RELN: variants seen among roughly 807,000 people sequenced by gnomAD.
The protein encoded by RELN is reelin.
Under a neutral mutation model 427.6 loss-of-function variants are expected in RELN, and 108 were observed. The ratio of observed to expected loss-of-function variants is 0.25; its 90% CI spans 0.22 to 0.30. RELN has a LOEUF of 0.30. Ranked by LOEUF, RELN falls within the 10% of genes least tolerant of loss-of-function variation. The pLI, the probability that RELN is intolerant of heterozygous loss-of-function variation, is 1.00. For missense variants in RELN, 3,715 were observed against 4,302.8 expected (o/e 0.86, Z 3.82); for synonymous variants, 1,524 against 1,513.4 (o/e 1.01, Z -0.16).
intron 24 of RELN, among the ~76,000 whole-genome samples, chr7:103,601,817 T>G (rs1349938587): frequency 6.6e-6 from 1 of 152,134 alleles, no homozygotes; most frequent in African/African-American, 2.4e-5. Flanking sequence ...GTTGAGGTAT[T>G]CCAAGAGCAT....
intron 50 of RELN, chr7:103,512,726 A>G (rs1829458073): frequency 6.6e-6 from 1 of 152,230 alleles, no homozygotes; most frequent in Admixed American, 6.5e-5. Context: ...ACATATCCAT[A>G]ATATATGTTG....
chr7:103,930,868 ATGTGTG>A lies in RELN; in HGVS notation c.227-13689_227-13684del, dbSNP rs60265174. Among the ~76,000 whole-genome samples, 1,299 of 141,956 alleles carry A rather than the reference ATGTGTG, an allele frequency of 9.2e-3. 33 individuals carry two copies. In the South Asian group the frequency reaches 0.096, roughly 10 times the overall value. The allele number at this position is 141,956 out of a possible 152,430, so 93.1% of individuals were successfully genotyped here. Reference sequence around the variant, plus strand: ...AGTTATGCTTCTTGGGTGTGAGCATATGTGTGTGTGTGTGTGTGTGTGTGTGTGTGT... The same window carrying A: ...AGTTATGCTTCTTGGGTGTGAGCATATGTGTGTGTGTGTGTGTGTGTGTGT... On this transcript the variant is annotated intron_variant, in intron 1 of 64. Coordinates refer to ENST00000428762, the MANE Select transcript of RELN (RefSeq NM_005045.4).
chr7:103,773,100 T>TTTCTTTCTTTC (rs1343624007), intron 4 of RELN, among the ~76,000 whole-genome samples: 1 of 128,590 alleles, frequency 7.8e-6, no homozygotes, highest in Non-Finnish European at 1.6e-5. Flanking sequence ...GGTTCTCCTC[T>TTTCTTTCTTTC]TTTCTTTCTT....
chr7:103,737,760 C>T (rs1790530647), intron 6 of RELN, among the ~76,000 whole-genome samples: 1 of 152,142 alleles, frequency 6.6e-6, no homozygotes, highest in Non-Finnish European at 1.5e-5. Flanking sequence ...TCGCTATTTC[C>T]CCGGTCCTGT....
At chr7:103,980,238 CT>C (rs1256570695) in intron 1 of RELN, among the ~76,000 whole-genome samples, 2 of 151,266 alleles carry the variant, frequency 1.3e-5, no homozygotes, top group Non-Finnish European at 2.9e-5. Context: ...TTGTAAATCA[CT>C]TTTTTTGTAT....
At chr7:103,733,778 T>A (rs533404595) in intron 6 of RELN, among the ~76,000 whole-genome samples, 1,921 of 136,944 alleles carry the variant, frequency 0.014, 52 homozygotes, top group African/African-American at 0.049. Context: ...CATCACACTC[T>A]GGGGACTGTT....
intron 1 of RELN, among the ~76,000 whole-genome samples, chr7:103,942,951 AC>A (rs1355990868): frequency 6.6e-6 from 1 of 152,102 alleles, no homozygotes; most frequent in Admixed American, 6.6e-5. Context: ...AAGTTGGAGA[AC>A]CACTGCTTTG....
rs566508101 is a variant in RELN, at chr7:103,542,607, G to A, written c.6671+124C>T. On this transcript the variant is annotated intron_variant, in intron 43 of 64. Transcript: ENST00000428762. ...CTTCCTGAAAGCTTTGATAAAGAGA[G>A]AAGTTCAGTATTTACAATGGAAGGC... is the stretch of plus-strand genomic sequence containing the variant. The A allele has an allele frequency of 2.5e-4, 233 of 937,156 alleles. No homozygotes were observed. The African/African-American group carries it at 3.5e-3, about 14-fold the overall frequency. 58.1% of individuals were successfully genotyped at this position (937,156 alleles called of 1,614,324 possible).
At chr7:103,474,625 G>T (rs1456029099) in intron 64 of RELN, among the ~76,000 whole-genome samples, 1 of 151,968 alleles carries the variant, frequency 6.6e-6, no homozygotes, top group Non-Finnish European at 1.5e-5. Context: ...AAACCCCCAA[G>T]GAATTAATGT....
intron 8 of RELN, among the ~76,000 whole-genome samples, chr7:103,704,677 A>G (rs1834163272): frequency 6.6e-6 from 1 of 150,944 alleles, no homozygotes. Flanking sequence ...CTCATCTCCT[A>G]TCTAAAAAAA....
At chr7:103,511,407 G>A (rs1829409605) in intron 50 of RELN, among the ~76,000 whole-genome samples, 3 of 152,054 alleles carry the variant, frequency 2.0e-5, no homozygotes, top group Non-Finnish European at 4.4e-5. Context: ...GAATCATGAA[G>A]AATCACAATT....
intron 10 of RELN, among the ~76,000 whole-genome samples, chr7:103,697,286 A>G (rs1234245910): frequency 6.6e-6 from 1 of 152,086 alleles, no homozygotes; most frequent in African/African-American, 2.4e-5. Context: ...AGGTGGAGGG[A>G]TACAAACATT....
At chr7:103,727,511 CA>C (rs1413314586) in intron 7 of RELN, among the ~76,000 whole-genome samples, 1 of 152,136 alleles carries the variant, frequency 6.6e-6, no homozygotes. Context: ...TACTTCTTTC[CA>C]TTTTGAATGC....
At chr7:103,852,114 A>C (rs142660798) in intron 2 of RELN, among the ~76,000 whole-genome samples, 2 of 152,196 alleles carry the variant, frequency 1.3e-5, no homozygotes, top group Non-Finnish European at 2.9e-5. Context: ...AACACTTGTC[A>C]TAGTCCATTT....
At chr7:103,717,263 G>A (rs966135582) in intron 8 of RELN, among the ~76,000 whole-genome samples, 1 of 150,576 alleles carries the variant, frequency 6.6e-6, no homozygotes, top group African/African-American at 2.4e-5. Flanking sequence ...AGAATTTGGG[G>A]TGAGGTGGAT....
chr7:103,580,816 G>A (rs985652419), intron 28 of RELN, among the ~76,000 whole-genome samples: 6 of 152,034 alleles, frequency 3.9e-5, no homozygotes, highest in African/African-American at 1.4e-4. Context: ...TTATTATTGG[G>A]CTTCAGGGGA....
intron 4 of RELN, among the ~76,000 whole-genome samples, chr7:103,766,128 G>A (rs373230113): frequency 2.0e-5 from 3 of 152,148 alleles, no homozygotes; most frequent in African/African-American, 2.4e-5. Context: ...TTGTAAGACC[G>A]TGAAGCAAGA....
chr7:103,916,328 G>A (rs186198894), intron 2 of RELN, among the ~76,000 whole-genome samples: 1 of 152,148 alleles, frequency 6.6e-6, no homozygotes, highest in African/African-American at 2.4e-5. Flanking sequence ...CACATCTATA[G>A]ATGAAGTCCT....
chr7:103,580,733 C>A (rs1423889687), intron 28 of RELN, among the ~76,000 whole-genome samples: 2 of 152,290 alleles, frequency 1.3e-5, no homozygotes, highest in South Asian at 2.1e-4. Context: ...ACCTTCCTCC[C>A]AAACTTCTCC....
Sources: allele counts gnomAD v4.1 joint callset (sites outside exome capture counted in the v4.1 genomes callset), GRCh38; gene constraint gnomAD v4.1.1; transcripts MANE v1.5; gene names NCBI Gene and HGNC (gene_info 2026-07-23, HGNC 2026-07-21).